PDE4D: variants seen among roughly 807,000 people sequenced by gnomAD.
The protein encoded by PDE4D is phosphodiesterase 4D, also known as 3',5'-cyclic-AMP phosphodiesterase 4D.
PDE4D carries 24 observed loss-of-function variants against 87.4 expected under a neutral mutation model. The observed-to-expected ratio is 0.27, with a 90% confidence interval of 0.20 to 0.39. The LOEUF is 0.39. Among genes scored for constraint, PDE4D ranks in the 10% least tolerant of loss-of-function variants. PDE4D has a pLI of 1.00. For missense variants in PDE4D, 714 were observed against 1,041.0 expected, an observed-to-expected ratio of 0.69 and a Z score of 4.32; for synonymous variants, 384 against 383.2, an observed-to-expected ratio of 1.00 and a Z score of -0.02.
At chr5:59,729,870 TG>T (rs1757133811) in intron 1 of PDE4D, among the ~76,000 whole-genome samples, 2 of 152,124 alleles carry the variant, frequency 1.3e-5, no homozygotes, top group Non-Finnish European at 2.9e-5. Context: ...CAACTTCTTA[TG>T]CCTTCTGAAA....
chr5:59,287,408 C>T (rs1025571278), intron 1 of PDE4D, among the ~76,000 whole-genome samples: 3 of 151,992 alleles, frequency 2.0e-5, no homozygotes, highest in East Asian at 1.9e-4. Flanking sequence ...AATAGAGTAC[C>T]GGTAGATTCC....
intron 1 of PDE4D, among the ~76,000 whole-genome samples, chr5:60,514,158 A>G (rs1038817898): frequency 6.6e-6 from 1 of 152,018 alleles, no homozygotes; most frequent in African/African-American, 2.4e-5. Context: ...TGAAAAAGGG[A>G]CATTAACTGA....
chr5:59,629,541 C>T lies in PDE4D; in HGVS notation c.455+263627G>A, dbSNP rs138864662. Among the ~76,000 whole-genome samples the T allele has an allele frequency of 3.6e-3, 547 of 152,192 alleles. 7 individuals carry two copies. Among genetic ancestry groups the T allele is most frequent in the African/African-American group, 0.012 (518 of 41,514 alleles). ...GGCCATCTACAAGCTAAGAAAAGGA[C>T]CTGAAACAGATCCTTCCTCACAGCC... On this transcript the variant is annotated intron_variant, in intron 1 of 14. Transcript: ENST00000340635.
chr5:59,646,800 C>A (rs758108063), intron 1 of PDE4D, among the ~76,000 whole-genome samples: 2 of 152,076 alleles, frequency 1.3e-5, no homozygotes, highest in Non-Finnish European at 2.9e-5. Flanking sequence ...CTTTGGGAGG[C>A]CAAGGCAGGC....
intron 2 of PDE4D, among the ~76,000 whole-genome samples, chr5:59,994,917 G>A (rs9686880): frequency 0.018 from 2,814 of 152,166 alleles, 86 homozygotes; most frequent in African/African-American, 0.065. Context: ...TTTGATGCTT[G>A]TGTCGGGTAC....
intron 1 of PDE4D, among the ~76,000 whole-genome samples, chr5:59,825,362 G>A (rs2152692081): frequency 6.6e-6 from 1 of 152,308 alleles, no homozygotes; most frequent in East Asian, 1.9e-4. Context: ...TAGTTTAGAA[G>A]CTACAGAGTT....
chr5:59,270,438 G>C (rs766021473), intron 1 of PDE4D, among the ~76,000 whole-genome samples: 15 of 152,124 alleles, frequency 9.9e-5, no homozygotes, highest in Non-Finnish European at 2.1e-4. Context: ...AAGCCTTACA[G>C]AGCTTGCAGA....
At chr5:59,764,914 C>T (rs1762601828) in intron 1 of PDE4D, among the ~76,000 whole-genome samples, 1 of 152,064 alleles carries the variant, frequency 6.6e-6, no homozygotes, top group Non-Finnish European at 1.5e-5. Flanking sequence ...TCCTCAGCCT[C>T]CCAAAGTGCT....
At chr5:60,192,571 C>T (rs1785281932) in intron 1 of PDE4D, among the ~76,000 whole-genome samples, 1 of 151,860 alleles carries the variant, frequency 6.6e-6, no homozygotes, top group South Asian at 2.1e-4. Context: ...TCATGATGTA[C>T]TATGTAATTA....
chr5:59,071,833 C>A (rs1422784151), intron 5 of PDE4D, among the ~76,000 whole-genome samples: 1 of 151,510 alleles, frequency 6.6e-6, no homozygotes, highest in Non-Finnish European at 1.5e-5. Context: ...ATTACAGTTG[C>A]CTACTACCAC....
At chr5:60,387,073 C>T (rs1762243273) in intron 1 of PDE4D, among the ~76,000 whole-genome samples, 1 of 152,218 alleles carries the variant, frequency 6.6e-6, no homozygotes, top group Non-Finnish European at 1.5e-5. Context: ...CTCTCATCAC[C>T]TGTGTTTTGG....
rs1471157241 is a variant in PDE4D, at chr5:58,970,212, A to G, written c.*4452T>C. On this transcript the variant is annotated 3_prime_UTR_variant, in exon 15 of 15. Transcript: ENST00000340635. ...ATAATCATTTGTAATTCTCACACAC[A>G]ATTTACCACTCTGAAAATATATCCA... The G allele has an allele frequency of 6.6e-6, 1 of 152,166 alleles. No homozygotes were observed. Among genetic ancestry groups the G allele is most frequent in the African/African-American group, 2.4e-5 (1 of 41,442 alleles). The allele number at this position is 152,166 out of a possible 1,614,324, so 9.4% of individuals were successfully genotyped here.
rs560442182 is a variant in PDE4D, at chr5:59,555,788, T to C, written c.455+337380A>G. On this transcript the variant is annotated intron_variant, in intron 1 of 14. Transcript: ENST00000340635. ...ATTCCAAGGTGGCTATGCAAATTAA[T>C]CCCTGTCTCTTGCTCCACTCCTACC... 9.2e-5 allele frequency among the ~76,000 whole-genome samples: 14 copies of C among 152,218 alleles called. No individual in the cohort carries two copies. In the East Asian group the frequency reaches 2.3e-3, roughly 25 times the overall value.
chr5:59,772,138 T>C (rs1763646050), intron 1 of PDE4D, among the ~76,000 whole-genome samples: 1 of 152,212 alleles, frequency 6.6e-6, no homozygotes, highest in South Asian at 2.1e-4. Flanking sequence ...ATTGCTGCCT[T>C]AGGAAACACA....
chr5:59,666,522 C>A (rs1257149603), intron 1 of PDE4D, among the ~76,000 whole-genome samples: 1 of 152,196 alleles, frequency 6.6e-6, no homozygotes, highest in Non-Finnish European at 1.5e-5. Context: ...AATTTTTCAG[C>A]AAGCAATAAA....
intron 1 of PDE4D, among the ~76,000 whole-genome samples, chr5:59,567,709 G>A (rs1225619536): frequency 1.3e-5 from 2 of 152,138 alleles, no homozygotes; most frequent in Non-Finnish European, 1.5e-5. Flanking sequence ...AAGGATAAAT[G>A]GAACAGCACC....
chr5:60,096,235 T>G (rs13173085), intron 2 of PDE4D, among the ~76,000 whole-genome samples: 1 of 152,080 alleles, frequency 6.6e-6, no homozygotes, highest in Non-Finnish European at 1.5e-5. Flanking sequence ...TGGAAAAGAA[T>G]AGAAGCCTCA....
At chr5:60,505,288 T>C (rs1026156345) in intron 1 of PDE4D, among the ~76,000 whole-genome samples, 2 of 152,240 alleles carry the variant, frequency 1.3e-5, no homozygotes, top group Non-Finnish European at 2.9e-5. Context: ...AGGAATCTTG[T>C]ACAATTTGCA....
chr5:60,350,179 T>C (rs1264040642), intron 1 of PDE4D, among the ~76,000 whole-genome samples: 2 of 152,140 alleles, frequency 1.3e-5, no homozygotes, highest in Non-Finnish European at 2.9e-5. Context: ...CTACAACCCA[T>C]AGTTACATCC....
Sources: allele counts gnomAD v4.1 joint callset (sites outside exome capture counted in the v4.1 genomes callset), GRCh38; gene constraint gnomAD v4.1.1; transcripts MANE v1.5; gene names NCBI Gene and HGNC (gene_info 2026-07-23, HGNC 2026-07-21).